The following DOCK8 variants were observed in gnomAD, a reference collection of about 807,000 sequenced individuals.
The protein encoded by DOCK8 is dedicator of cytokinesis protein 8.
DOCK8 carries 141 observed loss-of-function variants against 245.6 expected under a neutral mutation model. The ratio of observed to expected loss-of-function variants is 0.57; its 90% CI spans 0.50 to 0.66. The LOEUF is 0.66. DOCK8 is among the 30% of genes least tolerant of loss of function. The pLI is 0.00. For missense variants in DOCK8, 2,965 were observed against 2,603.4 expected (o/e 1.14, Z -3.02); for synonymous variants, 1,168 against 970.2 (o/e 1.20, Z -3.79).
chr9:377,017 T>A lies in DOCK8; in HGVS notation c.2246T>A (p.Leu749Gln), dbSNP rs1341851035. Residue 749 changes from leucine to glutamine, a missense_variant, in exon 20 of 48, where the codon CTG becomes CAG. Transcript: ENST00000432829. ...AAGTTCTTCACCCTCTGCCACTCCCTGGAGAGCCAGGTGACCTTCCCCATC... is the reference window on the plus strand; with the variant it reads ...AAGTTCTTCACCCTCTGCCACTCCCAGGAGAGCCAGGTGACCTTCCCCATC... ...LEKFFTLCHSLESQVTFPIRV... is the reference protein window; with the variant it reads ...LEKFFTLCHSQESQVTFPIRV... 1 of 1,614,074 alleles carries A rather than the reference T, an allele frequency of 6.2e-7. No homozygotes were observed.
At chr9:340,088 CAA>C (rs1226631555) in intron 13 of DOCK8, 69 bp from the exon 14 acceptor site, 2 of 1,544,012 alleles carry the variant, frequency 1.3e-6, no homozygotes, top group Non-Finnish European at 1.8e-6. Flanking sequence ...AAACACAGTG[CAA>C]CAATCTTTCT....
In DOCK8 at chr9:446,479, C is replaced by T. The variant is rs780007909; in HGVS notation, c.5690C>T (p.Thr1897Ile). ...AACCTCCGGAGGTTCATGTACACCA[C>T]CCCGTTCACCCTGGAGGGGCGGCCT... ...NFNLRRFMYT[T>I]PFTLEGRPRG... Residue 1897 changes from threonine to isoleucine, a missense_variant, in exon 44 of 48, where the codon ACC (threonine) becomes ATC (isoleucine). Thr to Ile is a moderately conservative substitution (Grantham distance 89). Transcript: ENST00000432829. The T allele has an allele frequency of 2.8e-5, 46 of 1,614,228 alleles. No homozygotes were observed. The highest frequency in any genetic ancestry group is 1.6e-4 in the Middle Eastern group (1 of 6,062).
rs534222993 is a variant in DOCK8 at position 304,577 on chromosome 9, A to G, written c.405-4A>G. ...CTCTCCAAATTAAATATCAACCATA[A>G]AAGAAACCAAGGAAGTCCAGAAATC... On this transcript the variant is annotated splice_region_variant and splice_polypyrimidine_tract_variant and intron_variant, in intron 4 of 47. Coordinates refer to ENST00000432829, the MANE Select transcript of DOCK8 (RefSeq NM_203447.4). The G allele has an allele frequency of 1.2e-6, 2 of 1,614,082 alleles. No homozygotes were observed. Among genetic ancestry groups the G allele is most frequent in the Admixed American group, 3.3e-5 (2 of 60,024 alleles).
chr9:421,997 T>C, intron 32 of DOCK8, 51 bp from the exon 33 acceptor site: 1 of 1,478,842 alleles, frequency 6.8e-7, no homozygotes, highest in Non-Finnish European at 9.5e-7. Context: ...CTGGTTATCT[T>C]GGAGGGTTTC....
intron 26 of DOCK8, among the ~76,000 whole-genome samples, chr9:401,002 CA>C (rs2055055897): frequency 3.6e-4 from 42 of 116,128 alleles, no homozygotes; most frequent in Non-Finnish European, 5.3e-4. Flanking sequence ...CCACCACCAC[CA>C]TTAGCTCCAC....
At chr9:275,759 T>C (rs1298232432) in intron 2 of DOCK8, among the ~76,000 whole-genome samples, 1 of 152,062 alleles carries the variant, frequency 6.6e-6, no homozygotes, top group African/African-American at 2.4e-5. Flanking sequence ...TGGCTAATTT[T>C]TGTACTTTTA....
chr9:343,795 C>G (rs990381135), intron 14 of DOCK8, among the ~76,000 whole-genome samples: 3 of 152,272 alleles, frequency 2.0e-5, no homozygotes, highest in African/African-American at 7.2e-5. Flanking sequence ...AAACTTTATC[C>G]TATAATCGGG....
intron 43 of DOCK8, among the ~76,000 whole-genome samples, chr9:445,380 G>C (rs906494206): frequency 1.3e-5 from 2 of 152,234 alleles, no homozygotes; most frequent in East Asian, 3.8e-4. Flanking sequence ...CTTTCAGTGG[G>C]TGAGTGTCCC....
At chr9:349,045 T>C (rs2052034757) in intron 14 of DOCK8, among the ~76,000 whole-genome samples, 1 of 152,198 alleles carries the variant, frequency 6.6e-6, no homozygotes. Flanking sequence ...AATCGTCTTA[T>C]ACTTCCAGAT....
intron 21 of DOCK8, chr9:381,346 C>A (rs543792059): frequency 6.6e-6 from 1 of 152,210 alleles, no homozygotes; most frequent in Non-Finnish European, 1.5e-5. Context: ...GAAGTGGTGA[C>A]TGATGCCTAC....
At chr9:267,166 G>C (rs1039691956) in intron 1 of DOCK8, among the ~76,000 whole-genome samples, 2 of 152,088 alleles carry the variant, frequency 1.3e-5, no homozygotes, top group Admixed American at 6.6e-5. Flanking sequence ...CAAGTAGTAC[G>C]CTCTGTCTGC....
At chr9:318,184 C>T (rs2050429627) in intron 7 of DOCK8, among the ~76,000 whole-genome samples, 1 of 152,218 alleles carries the variant, frequency 6.6e-6, no homozygotes, top group East Asian at 1.9e-4. Flanking sequence ...CTGCTATTTT[C>T]AAGAATTAGT....
chr9:436,243 A>T (rs754795155), intron 39 of DOCK8, among the ~76,000 whole-genome samples: 1 of 152,248 alleles, frequency 6.6e-6, no homozygotes. Context: ...TTGGCAAATG[A>T]ATTTTCTTCT....
At chr9:226,896 G>T (rs1455638680) in intron 1 of DOCK8, among the ~76,000 whole-genome samples, 1 of 152,182 alleles carries the variant, frequency 6.6e-6, no homozygotes, top group Non-Finnish European at 1.5e-5. Context: ...AAAAAATATT[G>T]ATATGATTTT....
intron 4 of DOCK8, among the ~76,000 whole-genome samples, chr9:294,048 T>G (rs2049154576): frequency 6.6e-6 from 1 of 152,200 alleles, no homozygotes. Flanking sequence ...ATTTATATTT[T>G]TCACATAAAG....
intron 5 of DOCK8, among the ~76,000 whole-genome samples, chr9:307,090 G>C (rs1251099872): frequency 6.6e-6 from 1 of 152,274 alleles, no homozygotes. Flanking sequence ...CAAGAGGAAG[G>C]AGCCAGGCCC....
intron 23 of DOCK8, 130 bp from the exon 24 acceptor site, chr9:390,341 G>A (rs768990585): frequency 4.7e-6 from 4 of 842,668 alleles, no homozygotes; most frequent in Non-Finnish European, 7.8e-6. Flanking sequence ...TTACTGCCTA[G>A]AACATCTAAG....
At chr9:306,935 T>C (rs576479590) in intron 5 of DOCK8, among the ~76,000 whole-genome samples, 1 of 152,248 alleles carries the variant, frequency 6.6e-6, no homozygotes, top group East Asian at 1.9e-4. Context: ...AAAAACCTCA[T>C]GAAGCCTGGA....
Position 432,339 on chromosome 9 carries a change from A to G in DOCK8, c.4785+15A>G. Reference sequence around the variant, plus strand: ...TTCCCACCCAGGTACACCGAAGCACATACCTTGTCTCATGCATGAGTTTGG... The same window carrying G: ...TTCCCACCCAGGTACACCGAAGCACGTACCTTGTCTCATGCATGAGTTTGG... On this transcript the variant is annotated intron_variant, in intron 37 of 47. Coordinates refer to ENST00000432829, the MANE Select transcript of DOCK8 (RefSeq NM_203447.4). 8 of 1,613,854 alleles carry G rather than the reference A, an allele frequency of 5.0e-6. No homozygotes were observed. The highest frequency in any genetic ancestry group is 1.1e-5 in the South Asian group (1 of 91,076).
Sources: gnomAD v4.1 joint callset for allele counts (sites outside exome capture counted in the v4.1 genomes callset) on GRCh38, gnomAD v4.1.1 for gene constraint, MANE v1.5 for transcripts, NCBI Gene and HGNC (gene_info 2026-07-23, HGNC 2026-07-21) for gene names.